Variants in ERC2 observed in about 807,000 individuals in gnomAD.
ERC2 encodes the protein ELKS/RAB6-interacting/CAST family member 2, also known as ERC protein 2.
ERC2 carries 42 observed loss-of-function variants against 114.8 expected under a neutral mutation model. The ratio of observed to expected loss-of-function variants is 0.37; its 90% CI spans 0.29 to 0.47. The LOEUF (loss-of-function observed/expected upper bound fraction) is 0.47, where lower values mean the gene tolerates loss of function less well. Among genes scored for constraint, ERC2 ranks in the 20% least tolerant of loss-of-function variants. The probability of loss-of-function intolerance (pLI) is 0.99; values close to 1 mark genes in which losing one functional copy is unlikely to be tolerated. For synonymous variants in ERC2, 454 were observed against 425.5 expected (o/e 1.07, Z -0.82); for missense variants, 939 against 1,150.7 (o/e 0.82, Z 2.66).
intron 2 of ERC2, among the ~76,000 whole-genome samples, chr3:56,331,345 C>A (rs759325561): frequency 6.6e-6 from 1 of 152,094 alleles, no homozygotes; most frequent in South Asian, 2.1e-4. Context: ...AATTTTCCAC[C>A]CATTGACCTC....
At chr3:55,877,518 T>A (rs1250229765) in intron 14 of ERC2, among the ~76,000 whole-genome samples, 1 of 122,216 alleles carries the variant, frequency 8.2e-6, no homozygotes, top group African/African-American at 3.3e-5. Flanking sequence ...ATTTTTTCTT[T>A]TTTTTTTTTT....
chr3:55,693,414 T>C (rs1006832452), intron 16 of ERC2, among the ~76,000 whole-genome samples: 1 of 151,458 alleles, frequency 6.6e-6, no homozygotes, highest in East Asian at 1.9e-4. Flanking sequence ...CAGGGGAGAG[T>C]GAGCAAGGGA....
intron 5 of ERC2, among the ~76,000 whole-genome samples, chr3:56,144,769 C>G (rs914593790): frequency 6.6e-6 from 1 of 152,064 alleles, no homozygotes; most frequent in Admixed American, 6.5e-5. Flanking sequence ...GGCATTGCTG[C>G]CATAAGGTAA....
At position 56,073,501 on chromosome 3, in the gene ERC2, G is replaced by C. The variant is rs575712343; in HGVS notation, c.1641+7316C>G. Among the ~76,000 whole-genome samples the C allele has an allele frequency of 1.2e-4, 18 of 152,270 alleles. No homozygotes were observed. In the East Asian group the frequency reaches 3.3e-3, roughly 28 times the overall value. ...TTCTAAGCCTCTGTTACAGGCCCTG[G>C]TTAAGAACCTCTGCCTTAGACCCAT... On this transcript the variant is annotated intron_variant, in intron 7 of 17. Coordinates refer to ENST00000288221, the MANE Select transcript of ERC2 (RefSeq NM_015576.3).
intron 13 of ERC2, among the ~76,000 whole-genome samples, chr3:55,893,007 T>G (rs9829018): frequency 0.3 from 45,005 of 151,784 alleles, 7,522 homozygotes; most frequent in African/African-American, 0.44. Context: ...ATGGGATTAG[T>G]GACCTTATGA....
chr3:55,526,517 G>A (rs984623443), intron 17 of ERC2, among the ~76,000 whole-genome samples: 6 of 152,164 alleles, frequency 3.9e-5, no homozygotes, highest in Admixed American at 6.5e-5. Context: ...AAAGGCCCGC[G>A]TCGTGGCTCT....
intron 3 of ERC2, among the ~76,000 whole-genome samples, chr3:56,293,621 T>A (rs542275475): frequency 4.7e-4 from 72 of 152,284 alleles, no homozygotes; most frequent in African/African-American, 1.7e-3. Flanking sequence ...TACAGATGTA[T>A]TTTCCAAATT....
At chr3:55,957,899 G>T (rs2068072997) in intron 12 of ERC2, among the ~76,000 whole-genome samples, 1 of 152,192 alleles carries the variant, frequency 6.6e-6, no homozygotes, top group Non-Finnish European at 1.5e-5. Context: ...GGCTCCGGGA[G>T]ACCCTAGGTC....
chr3:56,298,781 G>A (rs1025486381), intron 2 of ERC2, among the ~76,000 whole-genome samples: 1 of 152,134 alleles, frequency 6.6e-6, no homozygotes, highest in African/African-American at 2.4e-5. Context: ...AGATAGGGGT[G>A]TCCTTTGCAC....
At chr3:56,468,073 C>T (rs994968632) in intron 1 of ERC2, among the ~76,000 whole-genome samples, 175 bp downstream of exon 1, 2 of 149,742 alleles carry the variant, frequency 1.3e-5, no homozygotes, top group Non-Finnish European at 3.0e-5. Context: ...CGCCCCATCC[C>T]TCCCCCCGCC....
intron 3 of ERC2, among the ~76,000 whole-genome samples, chr3:56,251,986 C>G (rs771569605): frequency 1.3e-5 from 2 of 152,170 alleles, no homozygotes; most frequent in Non-Finnish European, 1.5e-5. Flanking sequence ...TAATTGAAGT[C>G]CTGGTTCTCA....
chr3:55,970,684 T>A (rs1169678185), intron 12 of ERC2, among the ~76,000 whole-genome samples: 2 of 151,822 alleles, frequency 1.3e-5, no homozygotes, highest in Non-Finnish European at 2.9e-5. Context: ...AAAAGAAAAA[T>A]AAGAAGAAGT....
chr3:56,009,226 A>G (rs1233410923), intron 9 of ERC2, among the ~76,000 whole-genome samples: 1 of 152,214 alleles, frequency 6.6e-6, no homozygotes, highest in African/African-American at 2.4e-5. Flanking sequence ...AATGCTATAA[A>G]CAAAGTCAAA....
At chr3:56,164,323 A>G (rs943479591) in intron 4 of ERC2, among the ~76,000 whole-genome samples, 1 of 151,960 alleles carries the variant, frequency 6.6e-6, no homozygotes, top group African/African-American at 2.4e-5. Flanking sequence ...TACACTGGAC[A>G]TTTAATTAAT....
intron 12 of ERC2, among the ~76,000 whole-genome samples, chr3:55,957,345 T>C (rs2068030852): frequency 6.6e-6 from 1 of 152,216 alleles, no homozygotes; most frequent in South Asian, 2.1e-4. Flanking sequence ...TGCAGCGGCA[T>C]CCCTTACCAA....
intron 12 of ERC2, among the ~76,000 whole-genome samples, chr3:55,964,638 C>A (rs2149474091): frequency 6.6e-6 from 1 of 152,236 alleles, no homozygotes; most frequent in African/African-American, 2.4e-5. Context: ...AGCCTAAAAC[C>A]ACATTTATTT....
intron 14 of ERC2, among the ~76,000 whole-genome samples, chr3:55,789,255 A>T (rs2069780238): frequency 6.6e-6 from 1 of 152,186 alleles, no homozygotes; most frequent in Admixed American, 6.5e-5. Context: ...CCTAAAAGAG[A>T]GACTTTCTTT....
At chr3:55,601,962 C>G (rs1308132840) in intron 17 of ERC2, among the ~76,000 whole-genome samples, 1 of 152,218 alleles carries the variant, frequency 6.6e-6, no homozygotes, top group Non-Finnish European at 1.5e-5. Flanking sequence ...TTCCCATGAG[C>G]CGGGCTTTGT....
intron 3 of ERC2, among the ~76,000 whole-genome samples, chr3:56,198,983 A>C (rs1437294838): frequency 6.6e-6 from 1 of 152,202 alleles, no homozygotes; most frequent in African/African-American, 2.4e-5. Flanking sequence ...GTGACCCTGG[A>C]TTATGGCTCA....
Sources: allele counts gnomAD v4.1 joint callset (sites outside exome capture counted in the v4.1 genomes callset), GRCh38; gene constraint gnomAD v4.1.1; transcripts MANE v1.5; gene names NCBI Gene and HGNC (gene_info 2026-07-23, HGNC 2026-07-21).